Variants in OTOP1 observed in about 807,000 individuals in gnomAD.
OTOP1 encodes proton channel OTOP1.
A neutral mutation model predicts 52.9 loss-of-function variants in OTOP1; 59 were observed. The ratio of observed to expected loss-of-function variants is 1.12; its 90% CI spans 0.91 to 1.39. The LOEUF is 1.39. Ranked by LOEUF, OTOP1 falls within the 40% of genes most tolerant of loss-of-function variation. The pLI, the probability that OTOP1 is intolerant of heterozygous loss-of-function variation, is 0.00. For synonymous variants in OTOP1, 317 were observed against 337.7 expected, an observed-to-expected ratio of 0.94 and a Z score of 0.67; for missense variants, 761 against 800.9, an observed-to-expected ratio of 0.95 and a Z score of 0.60.
chr4:4,204,134 C>T (rs1428549011), intron 3 of OTOP1, among the ~76,000 whole-genome samples: 1 of 152,210 alleles, frequency 6.6e-6, no homozygotes, highest in Non-Finnish European at 1.5e-5. Context: ...GCTGATCTCT[C>T]TGGGTCTCTC....
chr4:4,199,020 G>A (rs140219334), intron 4 of OTOP1, among the ~76,000 whole-genome samples: 4 of 151,952 alleles, frequency 2.6e-5, no homozygotes, highest in African/African-American at 9.7e-5. Context: ...GCGAAACCTC[G>A]TCTCTATTAA....
intron 1 of OTOP1, among the ~76,000 whole-genome samples, chr4:4,213,681 G>A (rs901365576): frequency 6.6e-6 from 1 of 152,136 alleles, no homozygotes; most frequent in African/African-American, 2.4e-5. Flanking sequence ...TTTGTTGTAT[G>A]TCTATACCTC....
chr4:4,198,224 T>C lies in OTOP1; in HGVS notation c.731-121A>G, dbSNP rs927233350. 1.6e-5 allele frequency: 12 copies of C among 760,440 alleles called. 1 individual carries two copies. Among genetic ancestry groups the C allele is most frequent in the Non-Finnish European group, 2.6e-5 (12 of 469,386 alleles). 47.1% of individuals were successfully genotyped at this position (760,440 alleles called of 1,614,324 possible). On this transcript the variant is annotated intron_variant, in intron 4 of 5. Transcript: ENST00000296358. Reference sequence around the variant, plus strand: ...TGGGTCTTCCCACTGGATTATGAGCTTTATCATGTCATAGCTTATTATCAC... The same window carrying C: ...TGGGTCTTCCCACTGGATTATGAGCCTTATCATGTCATAGCTTATTATCAC...
intron 4 of OTOP1, among the ~76,000 whole-genome samples, chr4:4,199,019 C>T (rs1339725979): frequency 1.4e-4 from 22 of 152,028 alleles, no homozygotes; most frequent in Non-Finnish European, 2.6e-4. Context: ...GGCGAAACCT[C>T]GTCTCTATTA....
chr4:4,192,527 C>A (rs1716535086), intron 5 of OTOP1, among the ~76,000 whole-genome samples: 1 of 152,190 alleles, frequency 6.6e-6, no homozygotes, highest in Non-Finnish European at 1.5e-5. Context: ...TATCTGCCTA[C>A]TGGGTTCATC....
chr4:4,190,172 CA>C (rs1239210022), intron 5 of OTOP1, among the ~76,000 whole-genome samples: 1 of 152,114 alleles, frequency 6.6e-6, no homozygotes, highest in Non-Finnish European at 1.5e-5. Context: ...AAGCACAGAT[CA>C]AAAGTATTCA....
intron 3 of OTOP1, among the ~76,000 whole-genome samples, chr4:4,203,602 C>T (rs749288865): frequency 2.0e-5 from 3 of 152,204 alleles, no homozygotes; most frequent in Non-Finnish European, 4.4e-5. Flanking sequence ...ATGGGGAATG[C>T]GGTCCCCATA....
intron 2 of OTOP1, among the ~76,000 whole-genome samples, chr4:4,207,042 C>A (rs1410295076): frequency 6.6e-6 from 1 of 152,166 alleles, no homozygotes. Flanking sequence ...CTCATTTAAT[C>A]TTTATTCTCT....
intron 1 of OTOP1, among the ~76,000 whole-genome samples, chr4:4,219,335 C>T (rs1717217833): frequency 6.6e-6 from 1 of 152,150 alleles, no homozygotes; most frequent in South Asian, 2.1e-4. Context: ...ATATTAATAT[C>T]AGACCGTATG....
rs376702205 is a variant in OTOP1, at chr4:4,204,215, T to C, written c.600-1637A>G. On this transcript the variant is annotated intron_variant, in intron 3 of 5. Coordinates refer to ENST00000296358, the MANE Select transcript of OTOP1 (RefSeq NM_177998.3). ...CCTTTGGCATAATGTCCAAGCACAA[T>C]TGGAGAAGGAAACAGAATCCCAGGG... 3.0e-3 allele frequency among the ~76,000 whole-genome samples: 464 copies of C among 152,200 alleles called. 2 individuals are homozygous for C. The highest frequency in any genetic ancestry group is 9.7e-3 in the African/African-American group (403 of 41,532).
chr4:4,224,327 A>G (rs1717375861), intron 1 of OTOP1, among the ~76,000 whole-genome samples: 1 of 150,128 alleles, frequency 6.7e-6, no homozygotes, highest in Non-Finnish European at 1.5e-5. Flanking sequence ...AGCCTGGGCG[A>G]CAGGGCAAGA....
chr4:4,197,141 A>G (rs1716653455), intron 5 of OTOP1, 25 bp downstream of exon 5: 2 of 1,559,652 alleles, frequency 1.3e-6, no homozygotes, highest in Admixed American at 1.9e-5. Context: ...AATTAAAAGA[A>G]TAAGAATAAC....
chr4:4,200,070 T>C (rs1716746507), intron 4 of OTOP1, among the ~76,000 whole-genome samples: 1 of 152,238 alleles, frequency 6.6e-6, no homozygotes, highest in Non-Finnish European at 1.5e-5. Context: ...CAACTATAAG[T>C]AAATGGCACA....
At position 4,190,974 on chromosome 4, in the gene OTOP1, C is replaced by A. The variant is rs182083653; in HGVS notation, c.1669-2001G>T. 4.0e-3 allele frequency among the ~76,000 whole-genome samples: 610 copies of A among 152,242 alleles called. 5 individuals are homozygous for A. Among genetic ancestry groups the A allele is most frequent in the African/African-American group, 0.014 (585 of 41,558 alleles). On this transcript the variant is annotated intron_variant, in intron 5 of 5. Coordinates refer to ENST00000296358, the MANE Select transcript of OTOP1 (RefSeq NM_177998.3). The stretch of plus-strand genomic sequence containing the variant: ...AATGCCAGCTATAGGCCTATGACTT[C>A]CCAGTCTCAATCTCCAGCCTGGACC...
In OTOP1 at chr4:4,205,800, G is replaced by A. The variant is rs183660254; in HGVS notation, c.599+272C>T. Among the ~76,000 whole-genome samples the A allele has an allele frequency of 1.3e-3, 191 of 152,272 alleles. 1 individual carries two copies. The highest frequency in any genetic ancestry group is 4.1e-3 in the African/African-American group (172 of 41,558). On this transcript the variant is annotated intron_variant, in intron 3 of 5. Coordinates refer to ENST00000296358, the MANE Select transcript of OTOP1 (RefSeq NM_177998.3). Reference sequence around the variant, plus strand: ...TTCTTCCCTTCATCTCCATTTTATAGATGAGGCAACTGAGGGTCATAACAG... The same window carrying A: ...TTCTTCCCTTCATCTCCATTTTATAAATGAGGCAACTGAGGGTCATAACAG...
chr4:4,201,874 G>A (rs1426043375), intron 4 of OTOP1, among the ~76,000 whole-genome samples: 1 of 152,146 alleles, frequency 6.6e-6, no homozygotes, highest in Admixed American at 6.5e-5. Context: ...TCATATAGAA[G>A]TGACATATTG....
intron 1 of OTOP1, among the ~76,000 whole-genome samples, chr4:4,215,031 C>T (rs955392065): frequency 3.3e-5 from 5 of 152,150 alleles, no homozygotes; most frequent in African/African-American, 1.2e-4. Context: ...CCTGTAATCC[C>T]AGCACTTTGG....
chr4:4,211,175 A>AG (rs1326152917), intron 2 of OTOP1, among the ~76,000 whole-genome samples: 1 of 152,230 alleles, frequency 6.6e-6, no homozygotes, highest in Admixed American at 6.5e-5. Context: ...AAGGTCATCC[A>AG]GTGCTGTCTG....
Position 4,206,101 on chromosome 4 carries a change from A to G in OTOP1, c.570T>C (p.Asp190=), listed in dbSNP as rs1716899577. Residue 190 remains aspartate, a synonymous_variant, in exon 3 of 6, where the codon GAT becomes GAC. Coordinates refer to ENST00000296358, the MANE Select transcript of OTOP1 (RefSeq NM_177998.3). ...CCAGTGTTTTGAAAGACTGGATAAT[A>G]TCCTTTGCATGCCCCCAAAGAAAAT... is the stretch of plus-strand genomic sequence containing the variant. ...QVYFLWGHAK[D]IIQSFKTLER... is the part of the protein sequence containing the mutation. 6 of 1,607,944 alleles carry G rather than the reference A, an allele frequency of 3.7e-6. No individual in the cohort carries two copies. The highest frequency in any genetic ancestry group is 2.7e-5 in the African/African-American group (2 of 74,814).
Sources: gnomAD v4.1 joint callset for allele counts (sites outside exome capture counted in the v4.1 genomes callset) on GRCh38, gnomAD v4.1.1 for gene constraint, MANE v1.5 for transcripts, NCBI Gene and HGNC (gene_info 2026-07-23, HGNC 2026-07-21) for gene names.